The following CPEB2 variants were observed in gnomAD, a reference collection of about 807,000 sequenced individuals.
The protein encoded by CPEB2 is cytoplasmic polyadenylation element binding protein 2, also known as cytoplasmic polyadenylation element-binding protein 2.
CPEB2 carries 56 observed loss-of-function variants against 93.6 expected under a neutral mutation model. The observed-to-expected ratio is 0.60, with a 90% confidence interval of 0.48 to 0.75. CPEB2 has a LOEUF of 0.75. Ranked by LOEUF, CPEB2 falls within the 30% of genes least tolerant of loss-of-function variation. The pLI is 0.00. For missense variants in CPEB2, 1,579 were observed against 1,395.1 expected, an observed-to-expected ratio of 1.13 and a Z score of -2.10; for synonymous variants, 764 against 586.3, an observed-to-expected ratio of 1.30 and a Z score of -4.38.
At chr4:15,052,641 A>G (rs1323566400) in intron 7 of CPEB2, 57 bp downstream of exon 7, 5 of 1,200,366 alleles carry the variant, frequency 4.2e-6, no homozygotes, top group Non-Finnish European at 5.6e-6. Flanking sequence ...AAACAAAAAG[A>G]TATGAAATTT....
intron 6 of CPEB2, among the ~76,000 whole-genome samples, chr4:15,044,990 A>G (rs1727523096): frequency 6.6e-6 from 1 of 152,216 alleles, no homozygotes; most frequent in African/African-American, 2.4e-5. Flanking sequence ...GTAAGCTATT[A>G]TACTTGCATT....
chr4:15,003,322 C>G lies in CPEB2; in HGVS notation c.649C>G (p.Pro217Ala), dbSNP rs1193417881. 20 of 1,419,436 alleles carry G rather than the reference C, an allele frequency of 1.4e-5. No individual in the cohort carries two copies. Among genetic ancestry groups the G allele is most frequent in the Non-Finnish European group, 1.8e-5 (20 of 1,100,832 alleles). The allele number at this position is 1,419,436 out of a possible 1,614,324, so 87.9% of individuals were successfully genotyped here. A position where few individuals can be genotyped will look rare whatever the true frequency, so the allele number is the denominator to read the frequency against. ...RFSPPPPPAG[P>A]LLQPAQLAQR... is the part of the protein sequence containing the mutation. Reference sequence around the variant, plus strand: ...CAGCCCGCCGCCGCCGCCAGCCGGCCCGCTCCTCCAGCCGGCGCAGCTCGC... The same window carrying G: ...CAGCCCGCCGCCGCCGCCAGCCGGCGCGCTCCTCCAGCCGGCGCAGCTCGC... The change falls in exon 1 of 12, where the codon CCG becomes GCG. Residue 217 changes from proline to alanine, a missense_variant. By Grantham distance (27) the Pro-to-Ala change is conservative. This residue lies in a region of CPEB2 where 1,411 missense variants were observed against 1,056.0 expected (regional missense o/e 1.34). Coordinates refer to ENST00000538197, the MANE Select transcript of CPEB2 (RefSeq NM_001177382.2).
intron 5 of CPEB2, among the ~76,000 whole-genome samples, chr4:15,040,048 T>C (rs927958949): frequency 6.6e-6 from 1 of 152,154 alleles, no homozygotes; most frequent in African/African-American, 2.4e-5. Flanking sequence ...TTTATTGGAC[T>C]ATATATGCCA....
intron 4 of CPEB2, chr4:15,018,006 A>G (rs912252415): frequency 1.3e-5 from 2 of 151,896 alleles, no homozygotes; most frequent in Non-Finnish European, 2.9e-5. Context: ...CTATTTATCT[A>G]TTGCTACATA....
intron 4 of CPEB2, among the ~76,000 whole-genome samples, chr4:15,032,290 A>G (rs1726197725): frequency 6.6e-6 from 1 of 152,166 alleles, no homozygotes. Flanking sequence ...GTACTATTCT[A>G]ATAGTCTATT....
intron 4 of CPEB2, among the ~76,000 whole-genome samples, chr4:15,022,207 A>G (rs530962306): frequency 1.3e-5 from 2 of 152,164 alleles, no homozygotes; most frequent in Non-Finnish European, 2.9e-5. Context: ...ACTCTGGTAT[A>G]AGAGAGCAAT....
chr4:15,052,499 T>C lies in CPEB2; in HGVS notation c.2286T>C (p.Cys762=). ...DQVGVLNSPT[C]YSAHQNGERI... ...TTGGAGTTTTAAATTCACCCACCTG[T>C]TATTCAGCTCACCAAAATGGAGAGC... Residue 762 remains cysteine, a synonymous_variant, in exon 7 of 12, where the codon TGT becomes TGC. Coordinates refer to ENST00000538197, the MANE Select transcript of CPEB2 (RefSeq NM_001177382.2). 1 of 1,599,218 alleles carries C rather than the reference T, an allele frequency of 6.3e-7. No homozygotes were observed. The highest frequency in any genetic ancestry group is 8.5e-7 in the Non-Finnish European group (1 of 1,170,580).
Position 15,002,534 on chromosome 4 carries a change from T to C in CPEB2, c.-140T>C. ...CGAGGGGTGGTGGGGCCGAAGTCGG[T>C]GCCCCCTGGCTCAGTCACGGTGTCC... On this transcript the variant is annotated 5_prime_UTR_variant, in exon 1 of 12. Transcript: ENST00000538197. 1 of 611,356 alleles carries C rather than the reference T, an allele frequency of 1.6e-6. No individual in the cohort carries two copies. Among genetic ancestry groups the C allele is most frequent in the South Asian group, 3.0e-5 (1 of 33,468 alleles). The allele number at this position is 611,356 out of a possible 1,614,324, so 37.9% of individuals were successfully genotyped here.
chr4:15,035,544 C>A (rs1477459342), intron 5 of CPEB2, among the ~76,000 whole-genome samples: 1 of 152,082 alleles, frequency 6.6e-6, no homozygotes, highest in Non-Finnish European at 1.5e-5. Context: ...CCTATAAATA[C>A]ATGAAGTTGG....
In CPEB2 at chr4:15,026,528, A is replaced by G. The variant is rs190701621; in HGVS notation, c.2126-6633A>G. On this transcript the variant is annotated intron_variant, in intron 4 of 11. Transcript: ENST00000538197. ...AGGCCTGAGCCACCATGCCCGAACT[A>G]TTTTTTTAATATATATCTTTCACAT... is the stretch of plus-strand genomic sequence containing the variant. Among the ~76,000 whole-genome samples the G allele has an allele frequency of 2.5e-3, 375 of 152,146 alleles. 3 individuals are homozygous for G. Among genetic ancestry groups the G allele is most frequent in the South Asian group, 0.018 (88 of 4,826 alleles).
At chr4:15,035,781 G>A (rs1726544143) in intron 5 of CPEB2, among the ~76,000 whole-genome samples, 1 of 152,122 alleles carries the variant, frequency 6.6e-6, no homozygotes. Flanking sequence ...GTGTGATGCT[G>A]TTGCTCCTTG....
intron 6 of CPEB2, among the ~76,000 whole-genome samples, chr4:15,046,256 G>C (rs764015929): frequency 2.6e-5 from 4 of 151,704 alleles, no homozygotes; most frequent in African/African-American, 9.7e-5. Flanking sequence ...AGTTTTGCTC[G>C]TGCTGCCCAG....
intron 6 of CPEB2, among the ~76,000 whole-genome samples, chr4:15,043,259 T>C (rs1018988571): frequency 1.3e-5 from 2 of 152,200 alleles, no homozygotes; most frequent in Non-Finnish European, 2.9e-5. Flanking sequence ...GCTCCAGATA[T>C]TAATTTATGA....
At chr4:15,004,401 G>A in intron 1 of CPEB2, 66 bp downstream of exon 1, 1 of 1,228,328 alleles carries the variant, frequency 8.1e-7, no homozygotes, top group Non-Finnish European at 1.1e-6. Context: ...ACGGAGGCGG[G>A]GGCAGGGCAG....
chr4:15,047,646 C>T (rs1231583825), intron 6 of CPEB2, among the ~76,000 whole-genome samples: 2 of 151,870 alleles, frequency 1.3e-5, no homozygotes, highest in African/African-American at 2.4e-5. Context: ...TTGATTTCTT[C>T]GAATTTTACA....
intron 6 of CPEB2, among the ~76,000 whole-genome samples, chr4:15,041,021 A>T (rs987088173): frequency 3.3e-5 from 5 of 151,738 alleles, no homozygotes; most frequent in South Asian, 2.1e-4. Context: ...TCTGTCTCTC[A>T]CACACACACA....
chr4:15,066,501 A>G lies in CPEB2; in HGVS notation c.*121A>G. 1 of 700,484 alleles carries G rather than the reference A, an allele frequency of 1.4e-6. No homozygotes were observed. Among genetic ancestry groups the G allele is most frequent in the Non-Finnish European group, 2.4e-6 (1 of 411,200 alleles). The allele number at this position is 700,484 out of a possible 1,614,324, so 43.4% of individuals were successfully genotyped here. ...CTTCTGCTTTTCACCCCAGCTATCA[A>G]TACATGCATCTTTATCAGCAGCCAA... On this transcript the variant is annotated 3_prime_UTR_variant, in exon 12 of 12. Coordinates refer to ENST00000538197, the MANE Select transcript of CPEB2 (RefSeq NM_001177382.2).
At chr4:15,032,229 G>C (rs6449096) in intron 4 of CPEB2, among the ~76,000 whole-genome samples, 127,900 of 152,096 alleles carry the variant, frequency 0.84, 54,401 homozygotes, top group Middle Eastern at 0.91. Context: ...TCCCAGCTAG[G>C]TGGGACTACA....
At chr4:15,025,383 C>T (rs1053577194) in intron 4 of CPEB2, among the ~76,000 whole-genome samples, 7 of 151,752 alleles carry the variant, frequency 4.6e-5, no homozygotes, top group Non-Finnish European at 4.4e-5. Context: ...TGTTTGTGTT[C>T]TCTTTTTTTC....
Sources: allele counts gnomAD v4.1 joint callset (sites outside exome capture counted in the v4.1 genomes callset), GRCh38; gene constraint gnomAD v4.1.1; regional missense constraint gnomAD v4.1.1; transcripts MANE v1.5; gene names NCBI Gene and HGNC (gene_info 2026-07-23, HGNC 2026-07-21).